MORC1: variants seen among roughly 807,000 people sequenced by gnomAD.
MORC1 encodes MORC family CW-type zinc finger 1, also known as MORC family CW-type zinc finger protein 1.
MORC1 carries 59 observed loss-of-function variants against 134.9 expected under a neutral mutation model. The ratio of observed to expected loss-of-function variants is 0.44; its 90% CI spans 0.35 to 0.54. MORC1 has a LOEUF of 0.54. MORC1 is among the 20% of genes least tolerant of loss of function. The pLI, the probability that MORC1 is intolerant of heterozygous loss-of-function variation, is 0.00. For missense variants in MORC1, 947 were observed against 1,134.5 expected (o/e 0.83, Z 2.37); for synonymous variants, 395 against 391.7 (o/e 1.01, Z -0.10).
chr3:109,094,836 T>C, intron 7 of MORC1, 73 bp downstream of exon 7: 1 of 1,376,068 alleles, frequency 7.3e-7, no homozygotes, highest in Non-Finnish European at 9.6e-7. Context: ...AATGAAAACA[T>C]ATGTACAGTG....
chr3:108,969,132 G>A (rs1447043101), intron 26 of MORC1, among the ~76,000 whole-genome samples: 1 of 152,104 alleles, frequency 6.6e-6, no homozygotes, highest in Non-Finnish European at 1.5e-5. Flanking sequence ...CAGAGGAAGA[G>A]AAAGGTTGTA....
chr3:109,093,601 T>C, intron 7 of MORC1, 60 bp from the exon 8 acceptor site: 1 of 1,201,620 alleles, frequency 8.3e-7, no homozygotes, highest in South Asian at 1.3e-5. Context: ...TGCTAGTCAT[T>C]GTGCTATCAT....
chr3:108,958,884 C>T lies in MORC1; in HGVS notation c.*81G>A, dbSNP rs1192228436. Reference sequence around the variant, plus strand: ...TTAAACAGAATAGACTTTACAGTAACAACAACAAAAAAGAAAAATTTTTAA... The same window carrying T: ...TTAAACAGAATAGACTTTACAGTAATAACAACAAAAAAGAAAAATTTTTAA... On this transcript the variant is annotated 3_prime_UTR_variant, in exon 28 of 28. Transcript: ENST00000232603. The T allele has an allele frequency of 1.5e-5, 15 of 1,010,944 alleles. No homozygotes were observed. Among genetic ancestry groups the T allele is most frequent in the Non-Finnish European group, 2.1e-5 (15 of 724,452 alleles). 62.6% of individuals were successfully genotyped at this position (1,010,944 alleles called of 1,614,324 possible).
At chr3:109,081,832 TCA>T (rs1576722201) in intron 8 of MORC1, among the ~76,000 whole-genome samples, 1 of 152,082 alleles carries the variant, frequency 6.6e-6, no homozygotes, top group Non-Finnish European at 1.5e-5. Flanking sequence ...TCCTCCTGAC[TCA>T]CAGTTTCTAT....
At chr3:108,995,028 TGTATAGTA>T (rs1948161172) in intron 21 of MORC1, among the ~76,000 whole-genome samples, 1 of 152,204 alleles carries the variant, frequency 6.6e-6, no homozygotes, top group African/African-American at 2.4e-5. Flanking sequence ...TATGAAGCAT[TGTATAGTA>T]ACACCTGATC....
At chr3:109,007,754 CAT>C (rs1452486479) in intron 17 of MORC1, among the ~76,000 whole-genome samples, 5 of 152,156 alleles carry the variant, frequency 3.3e-5, no homozygotes, top group African/African-American at 9.7e-5. Flanking sequence ...TTTCTCTTCA[CAT>C]GTTTATGGAG....
intron 14 of MORC1, among the ~76,000 whole-genome samples, chr3:109,043,465 A>G (rs984235962): frequency 5.3e-5 from 8 of 152,134 alleles, no homozygotes; most frequent in Non-Finnish European, 1.0e-4. Flanking sequence ...TGCAAGATGA[A>G]AAGAGTTTTA....
chr3:108,991,032 G>T (rs1948046050), intron 21 of MORC1, among the ~76,000 whole-genome samples: 1 of 151,980 alleles, frequency 6.6e-6, no homozygotes, highest in Non-Finnish European at 1.5e-5. Flanking sequence ...GGCCAACAAT[G>T]GTCAGGGTGG....
At chr3:108,968,052 C>T (rs372762285) in intron 26 of MORC1, among the ~76,000 whole-genome samples, 1 of 152,310 alleles carries the variant, frequency 6.6e-6, no homozygotes, top group East Asian at 1.9e-4. Context: ...AGACCTAGTT[C>T]AGTGCCTGGC....
intron 20 of MORC1, among the ~76,000 whole-genome samples, chr3:109,002,614 C>T (rs867076927): frequency 2.4e-4 from 37 of 152,270 alleles, no homozygotes; most frequent in Middle Eastern, 3.4e-3. Context: ...AAGAAAGAGT[C>T]CCAGGCTCAA....
rs980632559 is a variant in MORC1, at chr3:109,084,494, G to A, written c.689+8942C>T. ...AGAAAATTATAAAATACTTATGAAAGAAACTGAAGAGAATTTGAAACATAA... is the reference window on the plus strand; with the variant it reads ...AGAAAATTATAAAATACTTATGAAAAAAACTGAAGAGAATTTGAAACATAA... On this transcript the variant is annotated intron_variant, in intron 8 of 27. Transcript: ENST00000232603. Among the ~76,000 whole-genome samples the A allele has an allele frequency of 9.2e-5, 14 of 152,150 alleles. 1 individual carries two copies. The highest frequency in any genetic ancestry group is 3.4e-3 in the Middle Eastern group (1 of 294).
At chr3:109,032,099 T>C (rs1352224881) in intron 16 of MORC1, among the ~76,000 whole-genome samples, 1 of 152,160 alleles carries the variant, frequency 6.6e-6, no homozygotes, top group East Asian at 1.9e-4. Flanking sequence ...ATTAAAAATA[T>C]TGATTCACGT....
chr3:109,072,905 A>C (rs2107714507), intron 8 of MORC1, among the ~76,000 whole-genome samples: 1 of 151,582 alleles, frequency 6.6e-6, no homozygotes, highest in East Asian at 2.0e-4. Context: ...AAGAAACTGA[A>C]GAAAGGAAGA....
intron 14 of MORC1, among the ~76,000 whole-genome samples, chr3:109,051,567 T>C (rs1038244920): frequency 3.3e-5 from 5 of 152,174 alleles, no homozygotes; most frequent in Admixed American, 1.3e-4. Flanking sequence ...ATGCCTGCTA[T>C]CCTTCCTCTA....
At chr3:109,057,716 C>T (rs1201099853) in intron 12 of MORC1, among the ~76,000 whole-genome samples, 4 of 152,188 alleles carry the variant, frequency 2.6e-5, no homozygotes, top group Non-Finnish European at 5.9e-5. Context: ...AAAAACACAT[C>T]TGCCAATTTA....
At chr3:109,026,282 C>CTTGTATATAAGAAATTAGCAG (rs1332379728) in intron 17 of MORC1, among the ~76,000 whole-genome samples, 8 of 152,114 alleles carry the variant, frequency 5.3e-5, no homozygotes, top group African/African-American at 1.9e-4. Context: ...CAGTGAATTT[C>CTTGTATATAAGAAATTAGCAG]TATATAAGTA....
At chr3:109,009,739 G>C (rs2029000) in intron 17 of MORC1, among the ~76,000 whole-genome samples, 31,001 of 151,942 alleles carry the variant, frequency 0.2, 3,509 homozygotes, top group Middle Eastern at 0.33. Context: ...TTTTACAGTG[G>C]AGTAATTTTA....
chr3:109,028,408 G>A (rs1244236505), intron 16 of MORC1, among the ~76,000 whole-genome samples: 1 of 152,140 alleles, frequency 6.6e-6, no homozygotes, highest in Non-Finnish European at 1.5e-5. Context: ...AATGAGATGC[G>A]TTAAAGCCCC....
chr3:109,117,858 A>T, intron 1 of MORC1, 137 bp downstream of exon 1: 1 of 757,290 alleles, frequency 1.3e-6, no homozygotes, highest in Admixed American at 2.4e-5. Context: ...TTTTAAAAAA[A>T]GCCTATACAG....
Sources: allele counts gnomAD v4.1 joint callset (sites outside exome capture counted in the v4.1 genomes callset), GRCh38; gene constraint gnomAD v4.1.1; transcripts MANE v1.5; gene names NCBI Gene and HGNC (gene_info 2026-07-23, HGNC 2026-07-21).